GDA: variants seen among roughly 807,000 people sequenced by gnomAD.
GDA encodes the protein cytoplasmic PSD-95 interactor.
Under a neutral mutation model 59.6 loss-of-function variants are expected in GDA, and 18 were observed. That is an observed-to-expected ratio of 0.30 (90% CI 0.21 to 0.45). The LOEUF is 0.45. GDA is among the 20% of genes least tolerant of loss of function. The pLI is 1.00. For missense variants in GDA, 427 were observed against 552.3 expected (o/e 0.77, Z 2.27); for synonymous variants, 201 against 201.1 (o/e 1.00, Z 0.00).
At chr9:72,116,316 A>G (rs1317522386) in intron 1 of GDA, among the ~76,000 whole-genome samples, 1 of 151,032 alleles carries the variant, frequency 6.6e-6, no homozygotes, top group Non-Finnish European at 1.5e-5. Context: ...ATTACAAAGC[A>G]CCTTACAATG....
chr9:72,235,266 C>T (rs185971128), intron 10 of GDA, among the ~76,000 whole-genome samples: 10 of 152,164 alleles, frequency 6.6e-5, no homozygotes, highest in Middle Eastern at 3.4e-3. Flanking sequence ...TTCCTGGGAC[C>T]GAAATACATG....
At chr9:72,224,416 T>C (rs1837290247) in intron 7 of GDA, among the ~76,000 whole-genome samples, 1 of 152,212 alleles carries the variant, frequency 6.6e-6, no homozygotes, top group African/African-American at 2.4e-5. Flanking sequence ...CTTTTAAAAA[T>C]TTAGCTACGC....
chr9:72,145,832 T>A (rs1189201992), upstream of GDA, among the ~76,000 whole-genome samples: 1 of 152,224 alleles, frequency 6.6e-6, no homozygotes, highest in Non-Finnish European at 1.5e-5. Context: ...CTAGTCCCAA[T>A]GAATTGTTCA....
chr9:72,200,363 C>CCCT (rs775204471), intron 2 of GDA, among the ~76,000 whole-genome samples: 18 of 150,912 alleles, frequency 1.2e-4, no homozygotes, highest in Non-Finnish European at 1.8e-4. Flanking sequence ...TCTTCTTCTT[C>CCCT]CCTCCTCCTC....
At chr9:72,128,602 A>G (rs1054865153) in intron 1 of GDA, among the ~76,000 whole-genome samples, 55 of 152,166 alleles carry the variant, frequency 3.6e-4, no homozygotes, top group Non-Finnish European at 7.5e-4. Context: ...TAAACATATA[A>G]TGTCTGTGTA....
At chr9:72,218,343 C>T (rs1836420141) in intron 5 of GDA, among the ~76,000 whole-genome samples, 1 of 152,160 alleles carries the variant, frequency 6.6e-6, no homozygotes, top group Admixed American at 6.5e-5. Flanking sequence ...GTTCCCCAGA[C>T]CCCTTTCCCC....
chr9:72,117,196 T>C (rs1043449687), intron 1 of GDA, among the ~76,000 whole-genome samples: 6 of 152,176 alleles, frequency 3.9e-5, no homozygotes, highest in Non-Finnish European at 8.8e-5. Context: ...ATTTGTTTTA[T>C]GAGTATATGA....
At chr9:72,196,479 T>G (rs577950463) in intron 2 of GDA, among the ~76,000 whole-genome samples, 6 of 140,904 alleles carry the variant, frequency 4.3e-5, no homozygotes, top group African/African-American at 1.7e-4. Flanking sequence ...AGAGCAAGAC[T>G]CTGTTAAAAA....
chr9:72,117,842 A>T (rs1454643128), intron 1 of GDA, among the ~76,000 whole-genome samples: 1 of 152,188 alleles, frequency 6.6e-6, no homozygotes, highest in African/African-American at 2.4e-5. Context: ...TGCAAGCACA[A>T]AAGAATGGAG....
chr9:72,195,065 A>G (rs916476935), intron 1 of GDA, among the ~76,000 whole-genome samples: 1 of 152,236 alleles, frequency 6.6e-6, no homozygotes, highest in Non-Finnish European at 1.5e-5. Context: ...TGCCTCTTTC[A>G]GCAAGATAAA....
At chr9:72,234,717 C>T (rs750282044) in intron 10 of GDA, among the ~76,000 whole-genome samples, 8 of 152,080 alleles carry the variant, frequency 5.3e-5, no homozygotes, top group Admixed American at 3.3e-4. Context: ...TACGCTAAAT[C>T]GTAACTGAAC....
intron 5 of GDA, chr9:72,214,756 C>T: frequency 3.1e-6 from 1 of 321,890 alleles, no homozygotes; most frequent in Non-Finnish European, 5.9e-6. Flanking sequence ...TTTTTTGAGA[C>T]AGACTGTCAC....
chr9:72,199,668 A>G (rs1348900208), intron 2 of GDA, among the ~76,000 whole-genome samples: 1 of 152,222 alleles, frequency 6.6e-6, no homozygotes, highest in African/African-American at 2.4e-5. Context: ...TTTTAAAGGA[A>G]GAGCTAAATC....
In GDA at chr9:72,250,611, C is replaced by T. The variant is rs1008640468; in HGVS notation, c.*2269C>T. 155 of 1,565,436 alleles carry T rather than the reference C, an allele frequency of 9.9e-5. No individual in the cohort carries two copies. Among genetic ancestry groups the T allele is most frequent in the Non-Finnish European group, 1.3e-4 (151 of 1,161,770 alleles). On this transcript the variant is annotated 3_prime_UTR_variant, in exon 14 of 14. Transcript: ENST00000358399. ...TTTTTTTCTGTACCACAGGCATTAT[C>T]TATACCTGGGGCCAGATTTTCTGCA...
intron 9 of GDA, chr9:72,229,171 TAA>T (rs34554102): frequency 0.034 from 1,447 of 42,340 alleles, 9 homozygotes; most frequent in Middle Eastern, 0.09. Flanking sequence ...CAGTCTCTAC[TAA>T]AAAAAAAAAA....
chr9:72,205,695 T>C (rs1045409122), intron 3 of GDA, among the ~76,000 whole-genome samples: 1 of 152,206 alleles, frequency 6.6e-6, no homozygotes. Flanking sequence ...TGGCTGAGAC[T>C]CAGCTATTTG....
intron 1 of GDA, among the ~76,000 whole-genome samples, chr9:72,172,676 A>G (rs546690567): frequency 5.3e-5 from 8 of 152,254 alleles, no homozygotes; most frequent in Admixed American, 5.2e-4. Context: ...GTGTTTTAGG[A>G]TTGCTGCTTC....
downstream of GDA, chr9:72,252,368 A>G (rs950553657): frequency 1.3e-5 from 2 of 152,246 alleles, no homozygotes; most frequent in African/African-American, 4.8e-5. Flanking sequence ...GCCAACATGT[A>G]TCTAACATCC....
chr9:72,231,564 CAAAA>C (rs879269541), intron 10 of GDA, among the ~76,000 whole-genome samples: 1 of 107,960 alleles, frequency 9.3e-6, no homozygotes, highest in Non-Finnish European at 2.0e-5. Flanking sequence ...GACTCTGTCT[CAAAA>C]AAAAAAAAAG....
Sources: allele counts gnomAD v4.1 joint callset (sites outside exome capture counted in the v4.1 genomes callset), GRCh38; gene constraint gnomAD v4.1.1; transcripts MANE v1.5; gene names NCBI Gene and HGNC (gene_info 2026-07-23, HGNC 2026-07-21).